PLEKHA6: variants seen among roughly 807,000 people sequenced by gnomAD.
The protein encoded by PLEKHA6 is pleckstrin homology domain-containing family A member 6.
PLEKHA6 carries 60 observed loss-of-function variants against 116.7 expected under a neutral mutation model. The ratio of observed to expected loss-of-function variants is 0.51; its 90% CI spans 0.42 to 0.64. PLEKHA6 has a LOEUF of 0.64. Ranked by LOEUF, PLEKHA6 falls within the 30% of genes least tolerant of loss-of-function variation. The pLI is 0.00. For synonymous variants in PLEKHA6, 489 were observed against 556.1 expected, an observed-to-expected ratio of 0.88 and a Z score of 1.70; for missense variants, 1,338 against 1,422.7, an observed-to-expected ratio of 0.94 and a Z score of 0.96.
At chr1:204,367,444 C>T (rs142290759) in intron 3 of PLEKHA6, among the ~76,000 whole-genome samples, 14 of 152,302 alleles carry the variant, frequency 9.2e-5, no homozygotes, top group East Asian at 7.7e-4. Flanking sequence ...TCCTGCCCCG[C>T]GGCTGCGTCT....
At chr1:204,330,041 T>A (rs527277803) in intron 1 of PLEKHA6, among the ~76,000 whole-genome samples, 97 of 152,118 alleles carry the variant, frequency 6.4e-4, no homozygotes, top group African/African-American at 1.9e-3. Context: ...TAGAAAAAAA[T>A]ATATATATAA....
chr1:204,273,123 T>A (rs1164528343), intron 3 of PLEKHA6, among the ~76,000 whole-genome samples: 2 of 152,170 alleles, frequency 1.3e-5, no homozygotes, highest in Non-Finnish European at 2.9e-5. Context: ...CTAGACTTCC[T>A]TCTCCTGGGG....
intron 2 of PLEKHA6, among the ~76,000 whole-genome samples, chr1:204,274,297 A>T (rs1269620429): frequency 1.3e-5 from 2 of 152,190 alleles, no homozygotes; most frequent in South Asian, 2.1e-4. Context: ...ACTTTAAAAG[A>T]CACAACTGCT....
chr1:204,292,548 ACCCTGGCTGATGCCCACCTGTGTCCCTCG>A (rs1170136235), intron 1 of PLEKHA6, among the ~76,000 whole-genome samples: 84 of 150,112 alleles, frequency 5.6e-4, no homozygotes, highest in African/African-American at 2.0e-3. Context: ...TATGTCCCTC[ACCCTGGCTGATGCCCACCTGTGTCCCTCG>A]CCCTGGCTGA....
At chr1:204,374,936 C>T (rs1673840355) in intron 1 of PLEKHA6, among the ~76,000 whole-genome samples, 1 of 152,212 alleles carries the variant, frequency 6.6e-6, no homozygotes, top group Non-Finnish European at 1.5e-5. Flanking sequence ...TCTCCTAAAT[C>T]CACTAGGCAT....
At chr1:204,239,973 G>A (rs1571816595) in intron 17 of PLEKHA6, among the ~76,000 whole-genome samples, 1 of 152,100 alleles carries the variant, frequency 6.6e-6, no homozygotes. Context: ...AGGGAGGAAC[G>A]CTGCTACCAG....
intron 2 of PLEKHA6, among the ~76,000 whole-genome samples, chr1:204,370,478 C>A (rs1477255161): frequency 2.0e-5 from 3 of 152,212 alleles, no homozygotes; most frequent in Non-Finnish European, 4.4e-5. Flanking sequence ...CCCGTGGTGG[C>A]GTCATGAGGA....
At chr1:204,346,079 G>A (rs1673031884) in intron 1 of PLEKHA6, among the ~76,000 whole-genome samples, 1 of 152,240 alleles carries the variant, frequency 6.6e-6, no homozygotes, top group Non-Finnish European at 1.5e-5. Flanking sequence ...GGCCTGTTCT[G>A]CAAAGGGAAG....
At chr1:204,343,048 C>T (rs567834876) in intron 1 of PLEKHA6, among the ~76,000 whole-genome samples, 2 of 152,294 alleles carry the variant, frequency 1.3e-5, no homozygotes, top group African/African-American at 2.4e-5. Context: ...CTGACCTTCC[C>T]TCTAACTCAG....
At position 204,268,159 on chromosome 1, in the gene PLEKHA6, TGAG is replaced by T. The variant is rs773677373; in HGVS notation, c.207+46_207+48del. 4 of 1,195,584 alleles carry T rather than the reference TGAG, an allele frequency of 3.3e-6. No individual in the cohort carries two copies. In the South Asian group the frequency reaches 5.2e-5, roughly 16 times the overall value. The allele number at this position is 1,195,584 out of a possible 1,614,324, so 74.1% of individuals were successfully genotyped here. On this transcript the variant is annotated intron_variant, in intron 4 of 22. Transcript: ENST00000272203. ...TAAGCACAGAGGAATCCTTATTCTG[TGAG>T]GAGAAGGTGGAGGCTACGGTGGCCA... is the stretch of plus-strand genomic sequence containing the variant.
intron 1 of PLEKHA6, among the ~76,000 whole-genome samples, chr1:204,286,698 G>A (rs1669215089): frequency 6.6e-6 from 1 of 152,124 alleles, no homozygotes; most frequent in African/African-American, 2.4e-5. Context: ...CATCCCCCAT[G>A]AAGCCCCCCT....
intron 9 of PLEKHA6, 78 bp from the exon 10 acceptor site, chr1:204,250,692 C>T: frequency 1.0e-6 from 1 of 964,038 alleles, no homozygotes; most frequent in Non-Finnish European, 1.7e-6. Context: ...CATCACAATC[C>T]CGCTGTGCTC....
chr1:204,313,550 C>T lies in PLEKHA6; in HGVS notation c.-94-38741G>A, dbSNP rs960498385. 7.1e-6 allele frequency: 7 copies of T among 984,150 alleles called. No individual in the cohort carries two copies. In the African/African-American group the frequency reaches 1.0e-4, roughly 15 times the overall value. The allele number at this position is 984,150 out of a possible 1,614,324, so 61.0% of individuals were successfully genotyped here. A position where few individuals can be genotyped will look rare whatever the true frequency, so the allele number is the denominator to read the frequency against. On this transcript the variant is annotated intron_variant, in intron 1 of 22. Transcript: ENST00000272203. ...TGTTACTATTGAAGAAAGAAGCTGA[C>T]CTTGAGGCTACTGCTTCTCTTCTCA...
intron 17 of PLEKHA6, among the ~76,000 whole-genome samples, chr1:204,232,563 A>T (rs1246941453): frequency 1.3e-5 from 2 of 152,242 alleles, no homozygotes; most frequent in South Asian, 2.1e-4. Flanking sequence ...ACTGTTATAC[A>T]TACAGAAACA....
At chr1:204,251,915 C>T (rs1053585315) in intron 9 of PLEKHA6, among the ~76,000 whole-genome samples, 1 of 151,766 alleles carries the variant, frequency 6.6e-6, no homozygotes, top group Admixed American at 6.6e-5. Context: ...GCACTGGCCA[C>T]GGTTGTCATC....
intron 1 of PLEKHA6, among the ~76,000 whole-genome samples, chr1:204,346,053 T>G (rs1295355572): frequency 6.6e-6 from 1 of 152,204 alleles, no homozygotes; most frequent in Non-Finnish European, 1.5e-5. Flanking sequence ...GACACTTGGT[T>G]TCTGGATTCA....
At position 204,222,054 on chromosome 1, in the gene PLEKHA6, GTCTC is replaced by G; in HGVS notation, c.*730_*733del. On this transcript the variant is annotated 3_prime_UTR_variant, in exon 23 of 23. Transcript: ENST00000272203. ...TCTCTCTCTCTCTCTCTCTCTTTCT[GTCTC>G]TCTCTCTCTGCTACCCTTCCCAACC... is the stretch of plus-strand genomic sequence containing the variant. 1.3e-5 allele frequency: 1 copy of G among 76,984 alleles called. No homozygotes were observed. The highest frequency in any genetic ancestry group is 2.8e-5 in the Non-Finnish European group (1 of 35,324). The allele number at this position is 76,984 out of a possible 1,614,324, so 4.8% of individuals were successfully genotyped here. A position where few individuals can be genotyped will look rare whatever the true frequency, so the allele number is the denominator to read the frequency against.
intron 1 of PLEKHA6, among the ~76,000 whole-genome samples, chr1:204,286,426 C>G (rs1210694811): frequency 6.6e-6 from 1 of 151,758 alleles, no homozygotes; most frequent in East Asian, 1.9e-4. Flanking sequence ...GGGAGGGGAA[C>G]AGAGAGGAGG....
intron 17 of PLEKHA6, among the ~76,000 whole-genome samples, chr1:204,231,615 T>G (rs1467985126): frequency 6.7e-6 from 1 of 150,260 alleles, no homozygotes; most frequent in Non-Finnish European, 1.5e-5. Flanking sequence ...TCACTCCAGC[T>G]GGAGTGCAGT....
Sources: allele counts gnomAD v4.1 joint callset (sites outside exome capture counted in the v4.1 genomes callset), GRCh38; gene constraint gnomAD v4.1.1; transcripts MANE v1.5; gene names NCBI Gene and HGNC (gene_info 2026-07-23, HGNC 2026-07-21).